The following HECTD2 variants were observed in gnomAD, a reference collection of about 807,000 sequenced individuals.
HECTD2 encodes the protein HECT domain E3 ubiquitin protein ligase 2.
Under a neutral mutation model 103.2 loss-of-function variants are expected in HECTD2, and 35 were observed. That is an observed-to-expected ratio of 0.34 (90% CI 0.26 to 0.45). The LOEUF is 0.45. Ranked by LOEUF, HECTD2 falls within the 20% of genes least tolerant of loss-of-function variation. The pLI is 1.00. For synonymous variants in HECTD2, 281 were observed against 329.9 expected, an observed-to-expected ratio of 0.85 and a Z score of 1.61; for missense variants, 596 against 937.4, an observed-to-expected ratio of 0.64 and a Z score of 4.76.
intron 2 of HECTD2, among the ~76,000 whole-genome samples, chr10:91,439,253 A>G (rs927383095): frequency 1.1e-4 from 16 of 152,028 alleles, no homozygotes. Context: ...TAATTTTTGT[A>G]TGAGGTGTAA....
chr10:91,417,286 GAGCCATCAAAAAAC>G (rs1156816967), intron 1 of HECTD2, among the ~76,000 whole-genome samples: 3 of 152,020 alleles, frequency 2.0e-5, no homozygotes, highest in African/African-American at 7.2e-5. Flanking sequence ...ACATTCTAGT[GAGCCATCAAAAAAC>G]ATTTTTTGAA....
chr10:91,497,519 C>T (rs1416887337), intron 15 of HECTD2, among the ~76,000 whole-genome samples: 11 of 136,702 alleles, frequency 8.0e-5, no homozygotes, highest in Non-Finnish European at 1.4e-4. Context: ...CCATGTTGGC[C>T]AGGCTGGTCT....
chr10:91,506,639 A>G (rs1412292247), intron 20 of HECTD2, among the ~76,000 whole-genome samples: 10 of 151,858 alleles, frequency 6.6e-5, no homozygotes, highest in Non-Finnish European at 1.2e-4. Flanking sequence ...TCAATAGCTT[A>G]CCAACCAAAA....
intron 2 of HECTD2, among the ~76,000 whole-genome samples, chr10:91,456,916 A>G (rs990871361): frequency 1.6e-4 from 25 of 152,124 alleles, no homozygotes; most frequent in African/African-American, 6.0e-4. Flanking sequence ...GCTCTTTGAC[A>G]AGATCAGTAA....
Position 91,425,355 on chromosome 10 carries a change from A to C in HECTD2, c.213A>C (p.Glu71Asp). 6.4e-7 allele frequency: 1 copy of C among 1,569,288 alleles called. No homozygotes were observed. The highest frequency in any genetic ancestry group is 8.7e-7 in the Non-Finnish European group (1 of 1,153,000). Residue 71 changes from glutamate to aspartate, a missense_variant, in exon 2 of 21, where the codon GAA (glutamate) becomes GAC (aspartate). Coordinates refer to ENST00000298068, the MANE Select transcript of HECTD2 (RefSeq NM_182765.6). ...SFISAVSPKK[E>D]AAENRSSPAH... ...TTTCAGCTGTTAGCCCGAAGAAAGAAGCTGCTGAAAACAGAAGTTCACCTG... is the reference window on the plus strand; with the variant it reads ...TTTCAGCTGTTAGCCCGAAGAAAGACGCTGCTGAAAACAGAAGTTCACCTG...
chr10:91,478,326 A>G, intron 6 of HECTD2, 61 bp downstream of exon 6: 1 of 976,976 alleles, frequency 1.0e-6, no homozygotes, highest in East Asian at 2.4e-5. Context: ...CACATCATAT[A>G]TCTTTAACAC....
intron 5 of HECTD2, among the ~76,000 whole-genome samples, chr10:91,468,220 G>C (rs1845600325): frequency 6.6e-6 from 1 of 152,110 alleles, no homozygotes; most frequent in Non-Finnish European, 1.5e-5. Context: ...CTAACCTTGA[G>C]GGGCCAGAGA....
intron 2 of HECTD2, among the ~76,000 whole-genome samples, chr10:91,457,982 A>G (rs1845180014): frequency 6.6e-6 from 1 of 151,260 alleles, no homozygotes; most frequent in African/African-American, 2.4e-5. Flanking sequence ...AAAATAAGAA[A>G]TAAGACTTTC....
chr10:91,435,126 C>T (rs1381483353), intron 2 of HECTD2, among the ~76,000 whole-genome samples: 2 of 151,918 alleles, frequency 1.3e-5, no homozygotes, highest in Non-Finnish European at 2.9e-5. Flanking sequence ...AACCCAAGAA[C>T]TCAGCAATCA....
chr10:91,455,212 T>C (rs922538131), intron 2 of HECTD2, among the ~76,000 whole-genome samples: 23 of 152,134 alleles, frequency 1.5e-4, no homozygotes, highest in African/African-American at 4.8e-4. Context: ...CCTATTTCTC[T>C]ACATCCTCTC....
intron 2 of HECTD2, among the ~76,000 whole-genome samples, chr10:91,429,802 A>C (rs946814361): frequency 5.3e-5 from 8 of 151,690 alleles, no homozygotes; most frequent in African/African-American, 1.9e-4. Flanking sequence ...GCGGTCTATC[A>C]ATTTTGTTGA....
intron 2 of HECTD2, among the ~76,000 whole-genome samples, chr10:91,443,479 G>C (rs1012631605): frequency 1.3e-5 from 2 of 151,640 alleles, no homozygotes; most frequent in African/African-American, 4.9e-5. Context: ...GCACCTGCCA[G>C]ATGCCAGCTG....
chr10:91,431,437 A>G (rs1843862660), intron 2 of HECTD2, among the ~76,000 whole-genome samples: 1 of 152,006 alleles, frequency 6.6e-6, no homozygotes, highest in African/African-American at 2.4e-5. Flanking sequence ...GCCTTGCTAG[A>G]TTGGGGAAGT....
In HECTD2 at chr10:91,499,063, T is replaced by C; in HGVS notation, c.1863T>C (p.Thr621=). Residue 621 remains threonine, a synonymous_variant, in exon 18 of 21, where the codon ACT becomes ACC. Transcript: ENST00000298068. ...QNRKEYVQLY[T]DFLLNKSIYK... is the part of the protein sequence containing the mutation. ...TTTCAGAATATGTACAGCTTTATACTGACTTCCTTCTGAACAAATCCATCT... is the reference window on the plus strand; with the variant it reads ...TTTCAGAATATGTACAGCTTTATACCGACTTCCTTCTGAACAAATCCATCT... 6.2e-7 allele frequency: 1 copy of C among 1,611,552 alleles called. No homozygotes were observed. Among genetic ancestry groups the C allele is most frequent in the Non-Finnish European group, 8.5e-7 (1 of 1,178,020 alleles).
At chr10:91,462,761 GTGAAAGACA>G (rs1845400735) in intron 5 of HECTD2, 10 of 985,642 alleles carry the variant, frequency 1.0e-5, no homozygotes, top group Non-Finnish European at 1.2e-5. Flanking sequence ...TAGCTATGAA[GTGAAAGACA>G]TGTTAAGAAT....
intron 14 of HECTD2, among the ~76,000 whole-genome samples, chr10:91,495,839 T>G (rs909568999): frequency 2.0e-5 from 3 of 152,146 alleles, no homozygotes; most frequent in African/African-American, 7.2e-5. Flanking sequence ...TACAGTGAGA[T>G]CTACTGAATA....
rs1485146629 is a variant in HECTD2, at chr10:91,460,456, G to A, written c.298G>A (p.Val100Ile). ...AGAACCACCACCAATTTGCCTTGATGTTAGACAAAAACAGCGTACATCTAT... is the reference window on the plus strand; with the variant it reads ...AGAACCACCACCAATTTGCCTTGATATTAGACAAAAACAGCGTACATCTAT... Reference protein sequence around the residue: ...VREPPPICLDVRQKQRTSMDA... With the variant: ...VREPPPICLDIRQKQRTSMDA... The change falls in exon 3 of 21, where the codon GTT becomes ATT. Residue 100 changes from valine (V) to isoleucine (I), a missense_variant. Transcript: ENST00000298068. The A allele has an allele frequency of 1.2e-6, 2 of 1,610,014 alleles. No homozygotes were observed. The highest frequency in any genetic ancestry group is 1.7e-6 in the Non-Finnish European group (2 of 1,178,016).
At chr10:91,496,070 AAG>A (rs1389227229) in intron 14 of HECTD2, 142 bp from the exon 15 acceptor site, 3 of 495,060 alleles carry the variant, frequency 6.1e-6, no homozygotes, top group Non-Finnish European at 1.1e-5. Flanking sequence ...AAATAAATGA[AAG>A]AGGGGAAAGG....
chr10:91,444,481 T>G (rs1844507459), intron 2 of HECTD2, among the ~76,000 whole-genome samples: 1 of 152,228 alleles, frequency 6.6e-6, no homozygotes, highest in Non-Finnish European at 1.5e-5. Context: ...ATGCAGAATG[T>G]TAACACACTA....
Sources: allele counts gnomAD v4.1 joint callset (sites outside exome capture counted in the v4.1 genomes callset), GRCh38; gene constraint gnomAD v4.1.1; transcripts MANE v1.5; gene names NCBI Gene and HGNC (gene_info 2026-07-23, HGNC 2026-07-21).